FOXJ3: variants seen among roughly 807,000 people sequenced by gnomAD.
FOXJ3 encodes forkhead box J3.
In FOXJ3, 22 loss-of-function variants were observed where a neutral mutation model predicts 76.1. The observed-to-expected ratio is 0.29, with a 90% CI of 0.21 to 0.41. The LOEUF (loss-of-function observed/expected upper bound fraction) is 0.41. Ranked by LOEUF, FOXJ3 falls within the 10% of genes least tolerant of loss-of-function variation. FOXJ3 has a pLI of 1.00. For missense variants in FOXJ3, 613 were observed against 762.1 expected (o/e 0.80, Z 2.30); for synonymous variants, 269 against 261.2 (o/e 1.03, Z -0.29).
chr1:42,278,288 C>A, intron 3 of FOXJ3, 60 bp downstream of exon 3: 1 of 1,163,986 alleles, frequency 8.6e-7, no homozygotes, highest in Non-Finnish European at 1.2e-6. Context: ...GCTTTATTTT[C>A]AGTAGAAATC....
At chr1:42,188,699 G>A in intron 11 of FOXJ3, 38 bp downstream of exon 11, 1 of 1,373,126 alleles carries the variant, frequency 7.3e-7, no homozygotes, top group Non-Finnish European at 9.7e-7. Context: ...GTACGAATGA[G>A]AAAATGAGAA....
At chr1:42,201,390 CTTTACCACACTGAAAAAA>C (rs1646762376) in intron 6 of FOXJ3, among the ~76,000 whole-genome samples, 1 of 152,160 alleles carries the variant, frequency 6.6e-6, no homozygotes, top group South Asian at 2.1e-4. Flanking sequence ...TGTAGATATT[CTTTACCACACTGAAAAAA>C]TTTCCACCTA....
chr1:42,191,393 G>A lies in FOXJ3; in HGVS notation c.1261C>T (p.His421Tyr), dbSNP rs1329853088. 6.2e-7 allele frequency: 1 copy of A among 1,607,624 alleles called. No homozygotes were observed. Among genetic ancestry groups the A allele is most frequent in the Non-Finnish European group, 8.5e-7 (1 of 1,174,894 alleles). Residue 421 changes from histidine to tyrosine, a missense_variant, in exon 9 of 13, where the codon CAT becomes TAT. His to Tyr is a moderately conservative substitution (Grantham distance 83). Transcript: ENST00000361346. ...TTCGGATGGTGCTGTATGTGTTGAT[G>A]TGGAGAGGGATGCTGGGGGTGAGGG... The part of the protein sequence containing the change: ...QSPHPQHPSP[H>Y]QHIQHHPNHQ...
intron 3 of FOXJ3, 48 bp downstream of exon 3, chr1:42,278,300 A>G (rs375429191): frequency 9.4e-5 from 118 of 1,250,358 alleles, no homozygotes; most frequent in Non-Finnish European, 2.3e-5. Context: ...GTAGAAATCA[A>G]CATCATTGCT....
chr1:42,193,399 CTTT>C (rs542481846), intron 8 of FOXJ3, among the ~76,000 whole-genome samples: 2 of 132,198 alleles, frequency 1.5e-5, no homozygotes, highest in South Asian at 2.4e-4. Context: ...ATCGATGTTC[CTTT>C]TTTTTTTTTT....
chr1:42,333,664 C>G (rs773446554), intron 1 of FOXJ3, among the ~76,000 whole-genome samples: 2 of 152,104 alleles, frequency 1.3e-5, no homozygotes, highest in East Asian at 3.9e-4. Context: ...CGGGAACAAT[C>G]TGTGGTCTCA....
chr1:42,315,452 TA>T (rs1557719799), intron 1 of FOXJ3: 3 of 978,892 alleles, frequency 3.1e-6, no homozygotes, highest in African/African-American at 1.8e-5. Flanking sequence ...GATCTCATAC[TA>T]AACTGTCCAA....
chr1:42,328,277 A>G (rs144016508), intron 1 of FOXJ3, among the ~76,000 whole-genome samples: 136 of 152,344 alleles, frequency 8.9e-4, no homozygotes, highest in Non-Finnish European at 1.5e-3. Flanking sequence ...AGCCTGGGTG[A>G]CACAGCAAGA....
At chr1:42,235,534 C>A (rs1648541506) in intron 4 of FOXJ3, among the ~76,000 whole-genome samples, 1 of 151,816 alleles carries the variant, frequency 6.6e-6, no homozygotes, top group Admixed American at 6.6e-5. Flanking sequence ...CCTATTCGGC[C>A]ATCTTGGCTC....
At chr1:42,193,186 A>G (rs569290382) in intron 8 of FOXJ3, among the ~76,000 whole-genome samples, 1 of 152,206 alleles carries the variant, frequency 6.6e-6, no homozygotes, top group South Asian at 2.1e-4. Flanking sequence ...GAAGCTTACT[A>G]GGTCTACCTC....
chr1:42,194,877 T>C lies in FOXJ3; in HGVS notation c.934+13A>G. 6.5e-7 allele frequency: 1 copy of C among 1,548,522 alleles called. No homozygotes were observed. The highest frequency in any genetic ancestry group is 2.3e-5 in the East Asian group (1 of 44,024). ...TAAAACTTTGTTATAAAAAAGATTT[T>C]AAGAAAACTCACCTTGTTGACTAAG... is the stretch of plus-strand genomic sequence containing the variant. On this transcript the variant is annotated intron_variant, in intron 8 of 12. Coordinates refer to ENST00000361346, the MANE Select transcript of FOXJ3 (RefSeq NM_014947.5).
intron 4 of FOXJ3, among the ~76,000 whole-genome samples, chr1:42,257,096 T>C (rs1650653804): frequency 6.6e-6 from 1 of 152,224 alleles, no homozygotes; most frequent in African/African-American, 2.4e-5. Context: ...GCATGTAAAA[T>C]GGCTCTAAAT....
intron 1 of FOXJ3, among the ~76,000 whole-genome samples, chr1:42,334,521 G>C (rs960712689): frequency 6.6e-6 from 1 of 152,178 alleles, no homozygotes; most frequent in African/African-American, 2.4e-5. Context: ...CCCAGCAAAG[G>C]ACACAGACAC....
Position 42,199,173 on chromosome 1 carries a change from T to C in FOXJ3, c.688A>G (p.Asn230Asp), listed in dbSNP as rs1646710700. The C allele has an allele frequency of 2.5e-6, 4 of 1,612,892 alleles. No individual in the cohort carries two copies. The South Asian group carries it at 4.4e-5, about 18-fold the overall frequency. Residue 230 changes from asparagine (N) to aspartate (D), a missense_variant, in exon 7 of 13, where the codon AAC becomes GAC. Asn to Asp is a conservative substitution (Grantham distance 23). Coordinates refer to ENST00000361346, the MANE Select transcript of FOXJ3 (RefSeq NM_014947.5). ...GSDSPRSSLN[N>D]SLSDQSLASV... Reference sequence around the variant, plus strand: ...GCCAAACTCTGGTCTGAGAGACTGTTGTTAAGGCTACTGCGTGGGCTATCA... The same window carrying C: ...GCCAAACTCTGGTCTGAGAGACTGTCGTTAAGGCTACTGCGTGGGCTATCA...
At chr1:42,255,863 A>T (rs1215346789) in intron 4 of FOXJ3, among the ~76,000 whole-genome samples, 1 of 152,134 alleles carries the variant, frequency 6.6e-6, no homozygotes, top group African/African-American at 2.4e-5. Context: ...TCTACTAAAA[A>T]ATGCAAAAAT....
At chr1:42,195,298 A>G (rs1569818309) in intron 7 of FOXJ3, among the ~76,000 whole-genome samples, 1 of 152,260 alleles carries the variant, frequency 6.6e-6, no homozygotes, top group African/African-American at 2.4e-5. Context: ...ACAGAAGGAA[A>G]GAATTCAAAG....
intron 6 of FOXJ3, among the ~76,000 whole-genome samples, chr1:42,199,857 T>C (rs1454076101): frequency 6.6e-6 from 1 of 151,784 alleles, no homozygotes; most frequent in Non-Finnish European, 1.5e-5. Context: ...ATTTTTACAG[T>C]GCTTGAGTTT....
intron 2 of FOXJ3, among the ~76,000 whole-genome samples, chr1:42,298,813 T>C (rs761449294): frequency 1.3e-5 from 2 of 152,212 alleles, no homozygotes; most frequent in African/African-American, 2.4e-5. Flanking sequence ...CTGTCTTTGC[T>C]GTATCCCAGA....
intron 5 of FOXJ3, among the ~76,000 whole-genome samples, chr1:42,219,732 G>C (rs1647141764): frequency 6.6e-6 from 1 of 152,158 alleles, no homozygotes; most frequent in Non-Finnish European, 1.5e-5. Context: ...TCTCAGCCAG[G>C]TGTTTGACAC....
Sources: allele counts gnomAD v4.1 joint callset (sites outside exome capture counted in the v4.1 genomes callset), GRCh38; gene constraint gnomAD v4.1.1; transcripts MANE v1.5; gene names NCBI Gene and HGNC (gene_info 2026-07-23, HGNC 2026-07-21).